TACC1: variants seen among roughly 807,000 people sequenced by gnomAD.
TACC1 encodes transforming acidic coiled-coil-containing protein 1.
A neutral mutation model predicts 84.4 loss-of-function variants in TACC1; 48 were observed. The observed-to-expected ratio is 0.57, with a 90% CI of 0.45 to 0.72. The LOEUF is 0.72. Ranked by LOEUF, TACC1 falls within the 30% of genes least tolerant of loss-of-function variation. TACC1 has a pLI of 0.00. For synonymous variants in TACC1, 372 were observed against 376.3 expected (o/e 0.99, Z 0.13); for missense variants, 920 against 973.0 (o/e 0.95, Z 0.72).
At chr8:38,732,729 G>A (rs1298867414) in intron 1 of TACC1, among the ~76,000 whole-genome samples, 2 of 152,210 alleles carry the variant, frequency 1.3e-5, no homozygotes, top group Admixed American at 1.3e-4. Context: ...AATAGCGATA[G>A]CAAGGTTTAG....
At chr8:38,816,391 A>G (rs1477899499) in intron 2 of TACC1, among the ~76,000 whole-genome samples, 1 of 152,214 alleles carries the variant, frequency 6.6e-6, no homozygotes, top group East Asian at 1.9e-4. Context: ...CAGATTCTCC[A>G]GCACCAACTG....
chr8:38,800,774 A>G (rs1587802662), intron 2 of TACC1, among the ~76,000 whole-genome samples: 1 of 152,308 alleles, frequency 6.6e-6, no homozygotes, highest in East Asian at 1.9e-4. Context: ...TAGGAGTAGA[A>G]TTGCTAGGCC....
intron 2 of TACC1, among the ~76,000 whole-genome samples, chr8:38,810,625 A>T (rs946262627): frequency 7.2e-5 from 11 of 152,108 alleles, no homozygotes; most frequent in African/African-American, 2.7e-4. Flanking sequence ...TAAATATTTA[A>T]AATTTAAAAT....
At chr8:38,751,159 A>G (rs1177397823) in intron 3 of TACC1, among the ~76,000 whole-genome samples, 1 of 152,086 alleles carries the variant, frequency 6.6e-6, no homozygotes. Flanking sequence ...CAAGGTGGCC[A>G]ATTTGAAGGG....
intron 2 of TACC1, among the ~76,000 whole-genome samples, chr8:38,790,234 C>T (rs1171119172): frequency 6.6e-6 from 1 of 152,142 alleles, no homozygotes; most frequent in African/African-American, 2.4e-5. Flanking sequence ...TCTGTCTTAC[C>T]GTGCCCTTCC....
intron 12 of TACC1, among the ~76,000 whole-genome samples, chr8:38,847,317 A>G (rs7831730): frequency 0.017 from 2,653 of 152,264 alleles, 60 homozygotes; most frequent in African/African-American, 0.06. Context: ...AACATCCTAC[A>G]ATGCACAGGA....
chr8:38,840,329 C>A (rs758284542), intron 9 of TACC1, 62 bp downstream of exon 9: 20 of 1,448,646 alleles, frequency 1.4e-5, no homozygotes, highest in Non-Finnish European at 1.8e-5. Context: ...GTCTGTTCAG[C>A]CTGGTATAAC....
At position 38,843,422 on chromosome 8, in the gene TACC1, A is replaced by G. The variant is rs564974620; in HGVS notation, c.2228+27A>G. 7.2e-6 allele frequency: 11 copies of G among 1,535,354 alleles called. No homozygotes were observed. The Admixed American group carries it at 1.3e-4, about 18-fold the overall frequency. On this transcript the variant is annotated intron_variant, in intron 11 of 12. Coordinates refer to ENST00000317827, the MANE Select transcript of TACC1 (RefSeq NM_006283.3). ...TAAGAGCTTGTAAATGTTGAATTTC[A>G]CTCTTCATGATGTTGTGGGAAGATT...
Position 38,787,479 on chromosome 8 carries a change from C to T in TACC1, c.-104C>T. ...ACCACATCCGCGCCTCTGCTGGAAA[C>T]GCTTGCTGGCGCCTGTCACCGGTTC... is the stretch of plus-strand genomic sequence containing the variant. On this transcript the variant is annotated 5_prime_UTR_variant, in exon 1 of 13. The change creates a new upstream start codon in the 5' untranslated region. Coordinates refer to ENST00000317827, the MANE Select transcript of TACC1 (RefSeq NM_006283.3). The T allele has an allele frequency of 5.7e-6, 8 of 1,399,166 alleles. No homozygotes were observed. The highest frequency in any genetic ancestry group is 7.4e-6 in the Non-Finnish European group (8 of 1,081,674). 86.7% of individuals were successfully genotyped at this position (1,399,166 alleles called of 1,614,324 possible). A position where few individuals can be genotyped will look rare whatever the true frequency, so the allele number is the denominator to read the frequency against.
At chr8:38,741,696 G>A (rs1329470749) in intron 1 of TACC1, among the ~76,000 whole-genome samples, 1 of 152,056 alleles carries the variant, frequency 6.6e-6, no homozygotes, top group African/African-American at 2.4e-5. Context: ...TAGACTGTGG[G>A]GTTGGAATCC....
chr8:38,847,705 A>G (rs945825853), intron 12 of TACC1, among the ~76,000 whole-genome samples: 2 of 152,230 alleles, frequency 1.3e-5, no homozygotes, highest in Non-Finnish European at 2.9e-5. Context: ...GAACTAAGAG[A>G]TTCATGGACA....
chr8:38,786,645 C>T (rs1395074115), upstream of TACC1, among the ~76,000 whole-genome samples: 1 of 152,076 alleles, frequency 6.6e-6, no homozygotes, highest in Non-Finnish European at 1.5e-5. Context: ...GGAAGCCTCC[C>T]CGAGTGCGGT....
At chr8:38,811,620 C>A (rs1330251495) in intron 2 of TACC1, among the ~76,000 whole-genome samples, 1 of 152,168 alleles carries the variant, frequency 6.6e-6, no homozygotes. Context: ...AAATAATACT[C>A]TTATAATTTC....
At chr8:38,729,105 G>C (rs1270345175) in intron 1 of TACC1, among the ~76,000 whole-genome samples, 1 of 152,126 alleles carries the variant, frequency 6.6e-6, no homozygotes, top group Non-Finnish European at 1.5e-5. Context: ...AGTGAGAAGG[G>C]GACAGGGCTG....
chr8:38,736,008 G>A (rs956316433), intron 1 of TACC1, among the ~76,000 whole-genome samples: 3 of 152,132 alleles, frequency 2.0e-5, no homozygotes, highest in African/African-American at 7.2e-5. Flanking sequence ...GGGTCTACCG[G>A]CCGGTACTCC....
chr8:38,850,653 G>T lies in TACC1; in HGVS notation c.*2630G>T, dbSNP rs1353337896. 6.6e-6 allele frequency: 1 copy of T among 151,948 alleles called. No homozygotes were observed. The highest frequency in any genetic ancestry group is 1.9e-4 in the East Asian group (1 of 5,170). The allele number at this position is 151,948 out of a possible 1,614,324, so 9.4% of individuals were successfully genotyped here. A position where few individuals can be genotyped will look rare whatever the true frequency, so the allele number is the denominator to read the frequency against. On this transcript the variant is annotated 3_prime_UTR_variant, in exon 13 of 13. Transcript: ENST00000317827. Reference sequence around the variant, plus strand: ...CCAAAATAAAAATTAGCTGGGCATGGTGGCACGTGCCTGTGGTCCCAGCTA... The same window carrying T: ...CCAAAATAAAAATTAGCTGGGCATGTTGGCACGTGCCTGTGGTCCCAGCTA...
chr8:38,747,816 G>A (rs1387973874), intron 3 of TACC1, among the ~76,000 whole-genome samples: 2 of 152,188 alleles, frequency 1.3e-5, no homozygotes, highest in Admixed American at 1.3e-4. Flanking sequence ...CTCATAGAAT[G>A]TATAATACCA....
At chr8:38,813,819 T>C (rs554419926) in intron 2 of TACC1, among the ~76,000 whole-genome samples, 1 of 152,362 alleles carries the variant, frequency 6.6e-6, no homozygotes, top group East Asian at 1.9e-4. Flanking sequence ...TTGAGTTCTC[T>C]GTGCACTTTA....
At chr8:38,808,494 C>T (rs1436508847) in intron 2 of TACC1, among the ~76,000 whole-genome samples, 2 of 152,234 alleles carry the variant, frequency 1.3e-5, no homozygotes, top group Non-Finnish European at 2.9e-5. Context: ...ATTACCGCAG[C>T]CTCCAACTTC....
Sources: allele counts gnomAD v4.1 joint callset (sites outside exome capture counted in the v4.1 genomes callset), GRCh38; gene constraint gnomAD v4.1.1; transcripts MANE v1.5; gene names NCBI Gene and HGNC (gene_info 2026-07-23, HGNC 2026-07-21).